The following ZNF358 variants were observed in gnomAD, a reference collection of about 807,000 sequenced individuals.
ZNF358 encodes the protein zinc finger protein 358.
A neutral mutation model predicts 2.1 loss-of-function variants in ZNF358; 1 was observed. The ratio of observed to expected loss-of-function variants is 0.49; its 90% CI spans 0.17 to 2.30. The LOEUF is 2.30. Among genes scored for constraint, ZNF358 ranks in the 30% most tolerant of loss-of-function variants. The probability of loss-of-function intolerance (pLI) is 0.26; values close to 1 mark genes in which losing one functional copy is unlikely to be tolerated. For synonymous variants in ZNF358, 381 were observed against 359.7 expected, an observed-to-expected ratio of 1.06 and a Z score of -0.67; for missense variants, 665 against 806.8, an observed-to-expected ratio of 0.82 and a Z score of 2.13.
chr19:7,519,116 C>T lies in ZNF358; in HGVS notation c.-38-89C>T. ...GTGGGTTCTGGGGGCACAATCGGGT[C>T]CCGTCTCTCATCCCTAACCAGACTC... On this transcript the variant is annotated intron_variant, in intron 1 of 1. Coordinates refer to ENST00000597229, the MANE Select transcript of ZNF358 (RefSeq NM_018083.5). 3 of 1,426,906 alleles carry T rather than the reference C, an allele frequency of 2.1e-6. No homozygotes were observed. The South Asian group carries it at 4.6e-5, about 22-fold the overall frequency. 88.4% of individuals were successfully genotyped at this position (1,426,906 alleles called of 1,614,324 possible).
In ZNF358 at chr19:7,519,308, C is replaced by G. The variant is rs768560181; in HGVS notation, c.66C>G (p.Leu22=). The G allele has an allele frequency of 6.8e-6, 11 of 1,614,016 alleles. No homozygotes were observed. The African/African-American group carries it at 8.0e-5, about 12-fold the overall frequency. The stretch of plus-strand genomic sequence containing the variant: ...GCCTGAGACCCGTTTATGAAGAGCT[C>G]GACTCTGACTCCGAGGACCTAGACC... ...HKGLRPVYEE[L]DSDSEDLDPN... The change falls in exon 2 of 2, where the codon CTC becomes CTG. Residue 22 remains leucine (L), a synonymous_variant. Transcript: ENST00000597229.
intron 1 of ZNF358, 125 bp from the exon 2 acceptor site, chr19:7,519,080 A>G (rs2022407524): frequency 3.4e-6 from 4 of 1,184,584 alleles, no homozygotes; most frequent in East Asian, 5.6e-5. Flanking sequence ...AAAAAAAAAA[A>G]AAAAAAAGAA....
Position 7,520,481 on chromosome 19 carries a change from A to G in ZNF358, c.1239A>G (p.Ala413=). The G allele has an allele frequency of 1.3e-6, 1 of 761,920 alleles. No individual in the cohort carries two copies. Among genetic ancestry groups the G allele is most frequent in the Non-Finnish European group, 1.9e-6 (1 of 512,920 alleles). 47.2% of individuals were successfully genotyped at this position (761,920 alleles called of 1,614,324 possible). A position where few individuals can be genotyped will look rare whatever the true frequency, so the allele number is the denominator to read the frequency against. ...CTGCCGCGGCCGCTGCAGCTGCAGC[A>G]GCGGCCGCCGGCCTGGGCCTCGGGC... is the stretch of plus-strand genomic sequence containing the variant. ...AAAAAAAAAA[A]AAAGLGLGPG... Residue 413 remains alanine, a synonymous_variant, in exon 2 of 2, where the codon GCA becomes GCG. Transcript: ENST00000597229. This position sits in a 1 kb window ranked among gnomAD's most constrained non-coding sequence, Gnocchi z 6.0.
chr19:7,520,174 G>GCA lies in ZNF358; in HGVS notation c.940_941dup (p.Ala315ArgfsTer111). 6.2e-7 allele frequency: 1 copy of GCA among 1,601,260 alleles called. No individual in the cohort carries two copies. ...AGCTCGGCGCTGCTGCAGCACCAGC[G>GCA]CACACACACGGCCGAGCGCCCCTAC... On this transcript the variant is annotated frameshift_variant, in exon 2 of 2. Coordinates refer to ENST00000597229, the MANE Select transcript of ZNF358 (RefSeq NM_018083.5). LOFTEE classifies it low-confidence loss of function (END_TRUNC). This position sits in a 1 kb window ranked among gnomAD's most constrained non-coding sequence, Gnocchi z 6.0.
rs759992139 is a variant in ZNF358, at chr19:7,520,558, G to T, written c.1316G>T (p.Gly439Val). 1.6e-6 allele frequency: 2 copies of T among 1,274,338 alleles called. No homozygotes were observed. The highest frequency in any genetic ancestry group is 2.2e-6 in the Non-Finnish European group (2 of 894,542). 78.9% of individuals were successfully genotyped at this position (1,274,338 alleles called of 1,614,324 possible). The part of the protein sequence containing the change: ...MMRPGQVSLL[G>V]PDAVSVLGSG... ...AGGCCGGGGCAGGTCTCCCTCCTGG[G>T]TCCTGATGCTGTTTCTGTGCTCGGC... is the stretch of plus-strand genomic sequence containing the variant. The change falls in exon 2 of 2, where the codon GGT becomes GTT. Residue 439 changes from glycine (G) to valine (V), a missense_variant. Around this residue, in one of 3 missense-constraint regions of ZNF358, gnomAD observed 249 missense variants for 227.6 expected, o/e 1.09. Coordinates refer to ENST00000597229, the MANE Select transcript of ZNF358 (RefSeq NM_018083.5). This position sits in a 1 kb window ranked among gnomAD's most constrained non-coding sequence, Gnocchi z 6.0.
At chr19:7,515,980 G>C (rs1167162299), upstream of ZNF358, 1 of 151,828 alleles carries the variant, frequency 6.6e-6, no homozygotes, top group Non-Finnish European at 1.5e-5. Flanking sequence ...GCGGCCGCGC[G>C]GTCGGGGTGG....
chr19:7,518,058 G>A (rs2022369741), intron 1 of ZNF358, among the ~76,000 whole-genome samples: 2 of 152,214 alleles, frequency 1.3e-5, no homozygotes, highest in South Asian at 2.1e-4. Context: ...CAAGGGGGTA[G>A]GAAGCTAGGA....
At chr19:7,518,557 G>A (rs62109852) in intron 1 of ZNF358, among the ~76,000 whole-genome samples, 2,676 of 116,118 alleles carry the variant, frequency 0.023, 58 homozygotes, top group Middle Eastern at 0.05. Flanking sequence ...GAGAGAGAGA[G>A]AGAAAGAAAG....
rs746003615 is a variant in ZNF358 at position 7,520,439 on chromosome 19, TGCAGCCGCTGCTGCAGCTGCC to T, written c.1200_1220del (p.Ala410_Ala416del). 293 of 1,479,000 alleles carry T rather than the reference TGCAGCCGCTGCTGCAGCTGCC, an allele frequency of 2.0e-4. 1 individual carries two copies. In the African/African-American group the frequency reaches 2.7e-3, roughly 14 times the overall value. 91.6% of individuals were successfully genotyped at this position (1,479,000 alleles called of 1,614,324 possible). On this transcript the variant is annotated inframe_deletion, in exon 2 of 2. Coordinates refer to ENST00000597229, the MANE Select transcript of ZNF358 (RefSeq NM_018083.5). This position sits in a 1 kb window ranked among gnomAD's most constrained non-coding sequence, Gnocchi z 6.0. ...CCAAGCACAAACGGGTGCATGAGGG[TGCAGCCGCTGCTGCAGCTGCC>T]GCGGCCGCTGCAGCTGCAGCAGCGG...
At chr19:7,514,990 T>C (rs2039772789), upstream of ZNF358, among the ~76,000 whole-genome samples, 1 of 152,152 alleles carries the variant, frequency 6.6e-6, no homozygotes, top group Non-Finnish European at 1.5e-5. Flanking sequence ...CTGGGAGCGC[T>C]TTGCTGACTA....
rs548404734 is a variant in ZNF358, at chr19:7,520,813, C to T, written c.1571C>T (p.Pro524Leu). ...PVPSPDPDPV[P>L]SPDPNPVSCP... Reference sequence around the variant, plus strand: ...CCCAGCCCAGACCCTGATCCTGTGCCCAGCCCTGATCCCAACCCTGTGTCC... The same window carrying T: ...CCCAGCCCAGACCCTGATCCTGTGCTCAGCCCTGATCCCAACCCTGTGTCC... The change falls in exon 2 of 2, where the codon CCC becomes CTC. Residue 524 changes from proline to leucine, a missense_variant. Pro to Leu is a moderately conservative substitution (Grantham distance 98, BLOSUM62 -3). Coordinates refer to ENST00000597229, the MANE Select transcript of ZNF358 (RefSeq NM_018083.5). The surrounding 1 kb of genome is among the most constrained non-coding windows in gnomAD (Gnocchi z 6.0). 7 of 1,614,064 alleles carry T rather than the reference C, an allele frequency of 4.3e-6. No individual in the cohort carries two copies. The South Asian group carries it at 5.5e-5, about 13-fold the overall frequency.
In ZNF358 at chr19:7,516,981, G is replaced by C. The variant is rs536638950; in HGVS notation, c.-39+732G>C. ...TATGGGGTCTGGGTTGAGGACCGCCGTCCAGGAACTCGGCTCTGTTTGCCT... is the reference window on the plus strand; with the variant it reads ...TATGGGGTCTGGGTTGAGGACCGCCCTCCAGGAACTCGGCTCTGTTTGCCT... On this transcript the variant is annotated intron_variant, in intron 1 of 1. Coordinates refer to ENST00000597229, the MANE Select transcript of ZNF358 (RefSeq NM_018083.5). This position sits in a 1 kb window ranked among gnomAD's most constrained non-coding sequence, Gnocchi z 5.9. Among the ~76,000 whole-genome samples, 1 of 152,140 alleles carries C rather than the reference G, an allele frequency of 6.6e-6. No individual in the cohort carries two copies. The highest frequency in any genetic ancestry group is 1.5e-5 in the Non-Finnish European group (1 of 68,004).
Position 7,520,518 on chromosome 19 carries a change from C to G in ZNF358, c.1276C>G (p.Pro426Ala). Reference protein sequence around the residue: ...AGLGLGPGLSPASMMRPGQVS... With the variant: ...AGLGLGPGLSAASMMRPGQVS... ...CCTGGGCCTCGGGCCTGGCCTAAGCCCTGCATCCATGATGAGGCCGGGGCA... is the reference window on the plus strand; with the variant it reads ...CCTGGGCCTCGGGCCTGGCCTAAGCGCTGCATCCATGATGAGGCCGGGGCA... Residue 426 changes from proline to alanine, a missense_variant, in exon 2 of 2, where the codon CCT becomes GCT. Around this residue, in one of 3 missense-constraint regions of ZNF358, gnomAD observed 249 missense variants for 227.6 expected, o/e 1.09. Transcript: ENST00000597229. The surrounding 1 kb of genome is among the most constrained non-coding windows in gnomAD (Gnocchi z 6.0). 7.8e-7 allele frequency: 1 copy of G among 1,281,360 alleles called. No homozygotes were observed. The highest frequency in any genetic ancestry group is 1.1e-6 in the Non-Finnish European group (1 of 902,746). 79.4% of individuals were successfully genotyped at this position (1,281,360 alleles called of 1,614,324 possible).
chr19:7,520,162 T>A lies in ZNF358; in HGVS notation c.920T>A (p.Leu307Gln), dbSNP rs1229263462. ...GCCTTCGGGCAGAGCTCGGCGCTGCTGCAGCACCAGCGCACACACACGGCC... is the reference window on the plus strand; with the variant it reads ...GCCTTCGGGCAGAGCTCGGCGCTGCAGCAGCACCAGCGCACACACACGGCC... ...GKAFGQSSAL[L>Q]QHQRTHTAER... Residue 307 changes from leucine (L) to glutamine (Q), a missense_variant, in exon 2 of 2, where the codon CTG becomes CAG. Physicochemically the swap from Leu to Gln is moderately radical, Grantham distance 113 (BLOSUM62 -2). This residue lies in a region of ZNF358 where 210 missense variants were observed against 350.8 expected (regional missense o/e 0.60). Coordinates refer to ENST00000597229, the MANE Select transcript of ZNF358 (RefSeq NM_018083.5). The surrounding 1 kb of genome is among the most constrained non-coding windows in gnomAD (Gnocchi z 6.0). 6.3e-7 allele frequency: 1 copy of A among 1,598,904 alleles called. No homozygotes were observed. Among genetic ancestry groups the A allele is most frequent in the Non-Finnish European group, 8.5e-7 (1 of 1,178,228 alleles).
At chr19:7,518,561 A>AGAG (rs2022387368) in intron 1 of ZNF358, among the ~76,000 whole-genome samples, 1 of 101,494 alleles carries the variant, frequency 9.9e-6, no homozygotes, top group Non-Finnish European at 1.8e-5. Context: ...GAGAGAGAGA[A>AGAG]AGAAAGAAAG....
At position 7,519,403 on chromosome 19, in the gene ZNF358, C is replaced by G. The variant is rs781061345; in HGVS notation, c.161C>G (p.Pro54Arg). The G allele has an allele frequency of 1.4e-5, 23 of 1,614,078 alleles. 1 individual carries two copies. In the South Asian group the frequency reaches 2.5e-4, roughly 18 times the overall value. Residue 54 changes from proline to arginine, a missense_variant, in exon 2 of 2, where the codon CCG (proline) becomes CGG (arginine). Transcript: ENST00000597229. Reference sequence around the variant, plus strand: ...GATCCTGAAGACCTCAACACTGTCCCGGAAGACGTGGACCCCAGCTATGAA... The same window carrying G: ...GATCCTGAAGACCTCAACACTGTCCGGGAAGACGTGGACCCCAGCTATGAA... ...EPDPEDLNTVPEDVDPSYEDL... is the reference protein window; with the variant it reads ...EPDPEDLNTVREDVDPSYEDL...
Position 7,520,233 on chromosome 19 carries a change from A to AG in ZNF358, c.992dup (p.Ser331ArgfsTer68), listed in dbSNP as rs1568395314. 6.2e-7 allele frequency: 1 copy of AG among 1,602,730 alleles called. No homozygotes were observed. The highest frequency in any genetic ancestry group is 8.5e-7 in the Non-Finnish European group (1 of 1,178,472). Reference sequence around the variant, plus strand: ...CCACTGCGGCAAAGCCTTCGGGCAGAGCTCCAACTTGCAACACCACCTGCG... The same window carrying AG: ...CCACTGCGGCAAAGCCTTCGGGCAGAGGCTCCAACTTGCAACACCACCTGCG... On this transcript the variant is annotated frameshift_variant, in exon 2 of 2. Coordinates refer to ENST00000597229, the MANE Select transcript of ZNF358 (RefSeq NM_018083.5). LOFTEE classifies it low-confidence loss of function (END_TRUNC). This position sits in a 1 kb window ranked among gnomAD's most constrained non-coding sequence, Gnocchi z 6.0.
At position 7,519,872 on chromosome 19, in the gene ZNF358, G is replaced by C. The variant is rs1239145660; in HGVS notation, c.630G>C (p.Ala210=). ...CTGGGGCGCGGCCGTACCAGTGCGC[G>C]GCCTGCGGCAAGGCCTTCGGCTGGC... The part of the protein sequence containing the change: ...IHTGARPYQC[A]ACGKAFGWRS... The change falls in exon 2 of 2, where the codon GCG becomes GCC. Residue 210 remains alanine, a synonymous_variant. Coordinates refer to ENST00000597229, the MANE Select transcript of ZNF358 (RefSeq NM_018083.5). 1.3e-6 allele frequency: 2 copies of C among 1,530,832 alleles called. No homozygotes were observed. Among genetic ancestry groups the C allele is most frequent in the Non-Finnish European group, 1.7e-6 (2 of 1,145,026 alleles). The allele number at this position is 1,530,832 out of a possible 1,614,324, so 94.8% of individuals were successfully genotyped here.
intron 1 of ZNF358, 106 bp from the exon 2 acceptor site, chr19:7,519,099 T>TC: frequency 3.3e-6 from 4 of 1,223,956 alleles, no homozygotes; most frequent in Non-Finnish European, 4.4e-6. Flanking sequence ...AAGTGGGTTC[T>TC]GGGGGCACAA....
Sources: allele counts gnomAD v4.1 joint callset (sites outside exome capture counted in the v4.1 genomes callset), GRCh38; gene constraint gnomAD v4.1.1; regional missense constraint gnomAD v4.1.1; non-coding constraint Gnocchi (gnomAD v3.1); transcripts MANE v1.5; gene names NCBI Gene and HGNC (gene_info 2026-07-23, HGNC 2026-07-21).